ZBBX: variants seen among roughly 807,000 people sequenced by gnomAD.
ZBBX encodes zinc finger B-box domain containing.
In ZBBX, 101 loss-of-function variants were observed where a neutral mutation model predicts 108.5. That is an observed-to-expected ratio of 0.93 (90% confidence interval 0.79 to 1.10). ZBBX has a LOEUF of 1.10. Among genes scored for constraint, ZBBX ranks in the 50% least tolerant of loss-of-function variants. The probability of loss-of-function intolerance (pLI) is 0.00; values close to 1 mark genes in which losing one functional copy is unlikely to be tolerated. For synonymous variants in ZBBX, 356 were observed against 323.4 expected, an observed-to-expected ratio of 1.10 and a Z score of -1.08; for missense variants, 1,009 against 941.4, an observed-to-expected ratio of 1.07 and a Z score of -0.94.
At chr3:167,264,713 T>C (rs1725174691) in intron 20 of ZBBX, among the ~76,000 whole-genome samples, 1 of 152,252 alleles carries the variant, frequency 6.6e-6, no homozygotes, top group African/African-American at 2.4e-5. Context: ...CAGTGAGCTT[T>C]ATACTTTCAC....
the ZBBX span, among the ~76,000 whole-genome samples, chr3:167,206,706 A>T: frequency 6.6e-6 from 1 of 152,098 alleles, no homozygotes. Context: ...GAGAAAAAAA[A>T]GTTGGAGGCA....
At chr3:167,376,994 A>T (rs1330931049) in intron 2 of ZBBX, among the ~76,000 whole-genome samples, 3 of 152,186 alleles carry the variant, frequency 2.0e-5, no homozygotes, top group African/African-American at 7.2e-5. Context: ...TACTATGCAA[A>T]ACTTATACTT....
chr3:167,251,942 A>G (rs1448609001), intron 20 of ZBBX, among the ~76,000 whole-genome samples: 2 of 151,504 alleles, frequency 1.3e-5, no homozygotes, highest in Non-Finnish European at 2.9e-5. Flanking sequence ...ACACACACAC[A>G]CACACACACA....
chr3:167,313,158 T>G (rs114909274), intron 16 of ZBBX, among the ~76,000 whole-genome samples: 2,122 of 152,318 alleles, frequency 0.014, 25 homozygotes, highest in South Asian at 0.026. Context: ...TGTGACTGTC[T>G]TTAAATGATC....
chr3:167,355,484 T>A (rs1325306168), intron 8 of ZBBX, among the ~76,000 whole-genome samples: 1 of 151,842 alleles, frequency 6.6e-6, no homozygotes, highest in African/African-American at 2.4e-5. Flanking sequence ...CACAAGCCCT[T>A]AACTCCTATC....
At chr3:167,291,327 A>G (rs1308570392) in intron 18 of ZBBX, among the ~76,000 whole-genome samples, 1 of 152,080 alleles carries the variant, frequency 6.6e-6, no homozygotes, top group Non-Finnish European at 1.5e-5. Flanking sequence ...GTTACCGACA[A>G]AGGGAGGCCC....
chr3:167,242,426 A>C, intron 21 of ZBBX, 79 bp downstream of exon 21: 1 of 1,194,408 alleles, frequency 8.4e-7, no homozygotes, highest in Non-Finnish European at 1.2e-6. Flanking sequence ...CTTTCTATAT[A>C]TAATAAAGAT....
At chr3:167,187,605 A>G in the ZBBX span, among the ~76,000 whole-genome samples, 26 of 152,348 alleles carry the variant, frequency 1.7e-4, no homozygotes, top group South Asian at 1.0e-3. Context: ...ATAGCTTAGT[A>G]AAATGAAAGC....
intron 11 of ZBBX, among the ~76,000 whole-genome samples, chr3:167,323,321 C>T (rs1216462180): frequency 6.7e-6 from 1 of 149,854 alleles, no homozygotes; most frequent in Non-Finnish European, 1.5e-5. Context: ...AAACTCTAAA[C>T]ACAGAAGGGT....
At chr3:167,275,787 A>G (rs375830461) in intron 20 of ZBBX, among the ~76,000 whole-genome samples, 4 of 152,214 alleles carry the variant, frequency 2.6e-5, no homozygotes, top group East Asian at 1.9e-4. Context: ...ACAGCTCAAG[A>G]AGGCCTGCCT....
chr3:167,248,923 G>A (rs527880636), intron 20 of ZBBX, among the ~76,000 whole-genome samples: 1 of 152,224 alleles, frequency 6.6e-6, no homozygotes, highest in Admixed American at 6.5e-5. Context: ...GGTCATCGGG[G>A]CTCAGGGATA....
intron 4 of ZBBX, among the ~76,000 whole-genome samples, chr3:167,370,637 G>C (rs1370461159): frequency 6.6e-6 from 1 of 152,164 alleles, no homozygotes; most frequent in South Asian, 2.1e-4. Context: ...TCAAGTTTAT[G>C]CAAGGTTGGA....
rs367685431 is a variant in ZBBX at position 167,330,843 on chromosome 3, AGAGGAGGAG to A, written c.688-2736_688-2728del. On this transcript the variant is annotated intron_variant, in intron 10 of 21. Transcript: ENST00000675490. ...AAGCAGAAGCAGAAGTAGAAGAGGA[AGAGGAGGAG>A]GAGGAGGAGGAGGAGGAGGAGAAGA... is the stretch of plus-strand genomic sequence containing the variant. Among the ~76,000 whole-genome samples, 101 of 81,744 alleles carry A rather than the reference AGAGGAGGAG, an allele frequency of 1.2e-3. 3 individuals are homozygous for A. The highest frequency in any genetic ancestry group is 6.0e-3 in the Middle Eastern group (1 of 166). 53.6% of individuals were successfully genotyped at this position (81,744 alleles called of 152,430 possible).
At chr3:167,389,318 T>G (rs1049094910) in intron 1 of ZBBX, among the ~76,000 whole-genome samples, 2 of 152,196 alleles carry the variant, frequency 1.3e-5, no homozygotes, top group Admixed American at 6.5e-5. Flanking sequence ...TCATTCTTTT[T>G]TATGGCTGCA....
intron 14 of ZBBX, among the ~76,000 whole-genome samples, chr3:167,316,151 G>C (rs948641878): frequency 6.6e-6 from 1 of 152,018 alleles, no homozygotes; most frequent in Non-Finnish European, 1.5e-5. Context: ...ATAAACTTAC[G>C]CTGTGTATCA....
At chr3:167,346,162 C>T (rs1741416844) in intron 9 of ZBBX, among the ~76,000 whole-genome samples, 1 of 151,726 alleles carries the variant, frequency 6.6e-6, no homozygotes, top group Non-Finnish European at 1.5e-5. Flanking sequence ...TGTTTCAACC[C>T]TTAGTGTTGA....
At position 167,386,777 on chromosome 3, in the gene ZBBX, G is replaced by C. The variant is rs537449755; in HGVS notation, c.-445-6372C>G. 3.9e-5 allele frequency among the ~76,000 whole-genome samples: 6 copies of C among 152,084 alleles called. No individual in the cohort carries two copies. In the South Asian group the frequency reaches 1.0e-3, roughly 26 times the overall value. On this transcript the variant is annotated intron_variant, in intron 1 of 21. Coordinates refer to the ZBBX transcript ENST00000455345. The stretch of plus-strand genomic sequence containing the variant: ...CAAGTTTCAATAAGTGTATCATACT[G>C]TCTTCTTGAGATTTATGCACTGTTT...
the ZBBX span, among the ~76,000 whole-genome samples, chr3:167,190,112 C>T: frequency 2.6e-5 from 4 of 152,064 alleles, no homozygotes; most frequent in Non-Finnish European, 4.4e-5. Flanking sequence ...AAATTACATC[C>T]TTTTTCATAA....
intron 2 of ZBBX, among the ~76,000 whole-genome samples, chr3:167,378,575 T>G (rs949573082): frequency 3.9e-5 from 6 of 152,144 alleles, no homozygotes; most frequent in African/African-American, 1.4e-4. Flanking sequence ...GGTGTCTGAT[T>G]TGTGACTTGA....
Sources: gnomAD v4.1 joint callset for allele counts (sites outside exome capture counted in the v4.1 genomes callset) on GRCh38, gnomAD v4.1.1 for gene constraint, MANE v1.5 for transcripts, NCBI Gene and HGNC (gene_info 2026-07-23, HGNC 2026-07-21) for gene names.